Variants in C12orf42 observed in about 807,000 individuals in gnomAD.
C12orf42 encodes chromosome 12 open reading frame 42.
Under a neutral mutation model 21.6 loss-of-function variants are expected in C12orf42, and 25 were observed. The ratio of observed to expected loss-of-function variants is 1.16; its 90% CI spans 0.84 to 1.62. C12orf42 has a LOEUF of 1.62. C12orf42 is among the 40% of genes most tolerant of loss of function. The probability of loss-of-function intolerance (pLI) is 0.00; values close to 1 mark genes in which losing one functional copy is unlikely to be tolerated. For missense variants in C12orf42, 483 were observed against 459.3 expected, an observed-to-expected ratio of 1.05 and a Z score of -0.47; for synonymous variants, 174 against 175.0, an observed-to-expected ratio of 0.99 and a Z score of 0.05.
chr12:103,188,705 T>G, the C12orf42 span, among the ~76,000 whole-genome samples: 1 of 152,204 alleles, frequency 6.6e-6, no homozygotes, highest in Non-Finnish European at 1.5e-5. Context: ...ACCTCTCTCT[T>G]GCTTCCTCTC....
intron 4 of C12orf42, among the ~76,000 whole-genome samples, chr12:103,325,786 C>G (rs536250681): frequency 8.5e-5 from 13 of 152,084 alleles, no homozygotes; most frequent in Non-Finnish European, 1.9e-4. Flanking sequence ...TTAATCTGGG[C>G]TGGATTTGTG....
At chr12:103,368,068 G>A (rs1285140310) in intron 4 of C12orf42, 3 of 1,284,934 alleles carry the variant, frequency 2.3e-6, no homozygotes, top group Non-Finnish European at 3.0e-6. Flanking sequence ...AATTGGACAG[G>A]CACATTTAAA....
chr12:103,314,278 T>A (rs1287852724), intron 4 of C12orf42, among the ~76,000 whole-genome samples: 1 of 151,896 alleles, frequency 6.6e-6, no homozygotes, highest in Admixed American at 6.6e-5. Flanking sequence ...CAACATGCAA[T>A]AGAAAGCAAC....
chr12:103,324,622 C>T (rs1407846639), intron 4 of C12orf42, among the ~76,000 whole-genome samples: 6 of 152,152 alleles, frequency 3.9e-5, no homozygotes, highest in Admixed American at 3.3e-4. Flanking sequence ...CCATATGTCT[C>T]ATCCTTACTT....
the C12orf42 span, among the ~76,000 whole-genome samples, chr12:103,169,466 T>C: frequency 6.6e-6 from 1 of 152,156 alleles, no homozygotes; most frequent in African/African-American, 2.4e-5. Flanking sequence ...GACATTATTA[T>C]AACATGCTTT....
At chr12:103,435,149 C>A (rs1180613642) in intron 2 of C12orf42, among the ~76,000 whole-genome samples, 1 of 152,120 alleles carries the variant, frequency 6.6e-6, no homozygotes, top group African/African-American at 2.4e-5. Context: ...ACACTGACAC[C>A]TCACACAGCA....
the C12orf42 span, among the ~76,000 whole-genome samples, chr12:103,544,333 C>T: frequency 6.6e-6 from 1 of 152,198 alleles, no homozygotes; most frequent in Non-Finnish European, 1.5e-5. Context: ...AACAAACTTC[C>T]ACTGTCTTCT....
At chr12:103,482,522 A>G (rs12320001) in intron 1 of C12orf42, among the ~76,000 whole-genome samples, 29,018 of 151,912 alleles carry the variant, frequency 0.19, 3,083 homozygotes, top group African/African-American at 0.29. Flanking sequence ...TCTGTGGCTT[A>G]AGATCTTTTG....
intron 4 of C12orf42, among the ~76,000 whole-genome samples, chr12:103,340,605 G>A (rs1224024083): frequency 6.6e-6 from 1 of 152,034 alleles, no homozygotes; most frequent in Non-Finnish European, 1.5e-5. Context: ...TGCAATGTTT[G>A]CCATCTAATC....
the C12orf42 span, among the ~76,000 whole-genome samples, chr12:103,209,895 A>G: frequency 6.6e-6 from 1 of 152,120 alleles, no homozygotes; most frequent in African/African-American, 2.4e-5. Flanking sequence ...TCTTAATGCA[A>G]TTAAATTTTG....
intron 10 of C12orf42, among the ~76,000 whole-genome samples, chr12:103,240,804 C>T (rs1446611985): frequency 6.6e-6 from 1 of 152,134 alleles, no homozygotes; most frequent in Non-Finnish European, 1.5e-5. Context: ...ATGTACACTT[C>T]CCCAAGAAAA....
chr12:103,219,919 C>G, the C12orf42 span, among the ~76,000 whole-genome samples: 2 of 152,032 alleles, frequency 1.3e-5, no homozygotes, highest in Admixed American at 1.3e-4. Context: ...GGGTATATAC[C>G]CAAAGCATTA....
chr12:103,341,878 G>A (rs933886274), intron 4 of C12orf42, among the ~76,000 whole-genome samples: 1 of 152,144 alleles, frequency 6.6e-6, no homozygotes, highest in Non-Finnish European at 1.5e-5. Flanking sequence ...CATTAAAGAC[G>A]AAGAAAGTTT....
the C12orf42 span, among the ~76,000 whole-genome samples, chr12:103,548,380 A>G: frequency 2.6e-5 from 4 of 152,386 alleles, no homozygotes; most frequent in African/African-American, 7.2e-5. Flanking sequence ...AAAGATAGCA[A>G]TTGAATATAA....
chr12:103,135,566 A>C, the C12orf42 span, among the ~76,000 whole-genome samples: 1 of 152,344 alleles, frequency 6.6e-6, no homozygotes, highest in South Asian at 2.1e-4. Flanking sequence ...AGGAGATACA[A>C]AACAACCATG....
downstream of C12orf42, among the ~76,000 whole-genome samples, chr12:103,266,254 T>C (rs2035164770): frequency 6.6e-6 from 1 of 152,056 alleles, no homozygotes; most frequent in South Asian, 2.1e-4. Context: ...ATATCCAAAA[T>C]AGAAGGAAAA....
chr12:103,464,261 C>T (rs554332082), intron 2 of C12orf42, among the ~76,000 whole-genome samples: 31 of 152,210 alleles, frequency 2.0e-4, no homozygotes, highest in Admixed American at 3.9e-4. Context: ...TTTATAATTG[C>T]CATTCTGACT....
At position 103,468,516 on chromosome 12, in the gene C12orf42, C is replaced by T. The variant is rs186910529; in HGVS notation, c.78+9833G>A. 2.6e-3 allele frequency among the ~76,000 whole-genome samples: 401 copies of T among 152,234 alleles called. 3 individuals are homozygous for T. The highest frequency in any genetic ancestry group is 9.2e-3 in the African/African-American group (384 of 41,556). On this transcript the variant is annotated intron_variant, in intron 2 of 5. Transcript: ENST00000548883. ...TACAAGTTGTAGCCTGTAGTTGTTT[C>T]CAGAATCAGACTTTTAAAGTTAAAA... is the stretch of plus-strand genomic sequence containing the variant.
Position 103,305,996 on chromosome 12 carries a change from C to G in C12orf42, c.609G>C (p.Leu203Phe), listed in dbSNP as rs760427771. The G allele has an allele frequency of 6.2e-7, 1 of 1,608,880 alleles. No individual in the cohort carries two copies. Among genetic ancestry groups the G allele is most frequent in the African/African-American group, 1.3e-5 (1 of 74,850 alleles). Reference protein sequence around the residue: ...SRHTRPKGQPLSSPKKNSGSA... With the variant: ...SRHTRPKGQPFSSPKKNSGSA... ...TACCAGAATTTTTCTTGGGACTGCT[C>G]AAGGGCTGGCCCTTAGGTCTTGTGT... Residue 203 changes from leucine (L) to phenylalanine (F), a missense_variant, in exon 5 of 6, where the codon TTG (leucine) becomes TTC (phenylalanine). Transcript: ENST00000548883.
Sources: gnomAD v4.1 joint callset for allele counts (sites outside exome capture counted in the v4.1 genomes callset) on GRCh38, gnomAD v4.1.1 for gene constraint, MANE v1.5 for transcripts, NCBI Gene and HGNC (gene_info 2026-07-23, HGNC 2026-07-21) for gene names.